The following GRXCR2 variants were observed in gnomAD, a reference collection of about 807,000 sequenced individuals.
The protein encoded by GRXCR2 is glutaredoxin and cysteine rich domain containing 2.
In GRXCR2, 23 loss-of-function variants were observed where a neutral mutation model predicts 24.8. That is an observed-to-expected ratio of 0.93 (90% CI 0.67 to 1.32). The LOEUF (loss-of-function observed/expected upper bound fraction) is 1.32. GRXCR2 is among the 40% of genes most tolerant of loss of function. The pLI is 0.00. For synonymous variants in GRXCR2, 130 were observed against 116.1 expected (o/e 1.12, Z -0.77); for missense variants, 315 against 303.4 (o/e 1.04, Z -0.28).
At chr5:145,922,560 C>T (rs776306862) in intron 2 of GRXCR2, among the ~76,000 whole-genome samples, 8 of 152,206 alleles carry the variant, frequency 5.3e-5, no homozygotes, top group Non-Finnish European at 1.0e-4. Context: ...GAACTCACAA[C>T]ATCGTTGTTG....
intron 2 of GRXCR2, among the ~76,000 whole-genome samples, chr5:145,905,889 T>C (rs2569011): frequency 0.25 from 37,692 of 152,080 alleles, 7,675 homozygotes; most frequent in African/African-American, 0.56. Flanking sequence ...GAATAGCACA[T>C]GGTCCAGCGT....
chr5:145,922,631 C>T (rs995777356), intron 2 of GRXCR2, among the ~76,000 whole-genome samples: 1 of 152,206 alleles, frequency 6.6e-6, no homozygotes, highest in African/African-American at 2.4e-5. Context: ...ATTTTCCCCA[C>T]AGGCTCCAGG....
intron 2 of GRXCR2, among the ~76,000 whole-genome samples, chr5:145,891,607 G>C (rs1304710595): frequency 6.6e-6 from 1 of 152,208 alleles, no homozygotes; most frequent in East Asian, 1.9e-4. Flanking sequence ...CCATTGCTGA[G>C]GTTTGAGTAG....
chr5:145,922,244 T>A (rs1456489294), intron 2 of GRXCR2, among the ~76,000 whole-genome samples: 1 of 152,190 alleles, frequency 6.6e-6, no homozygotes, highest in Non-Finnish European at 1.5e-5. Flanking sequence ...CCTCCCACCC[T>A]TTGTGTCTCT....
chr5:145,910,693 T>C (rs569348749), intron 2 of GRXCR2, among the ~76,000 whole-genome samples: 1 of 152,194 alleles, frequency 6.6e-6, no homozygotes, highest in Non-Finnish European at 1.5e-5. Flanking sequence ...ATAAAAGATA[T>C]ATAAATCAAT....
chr5:145,859,785 C>A lies in GRXCR2; in HGVS notation c.695G>T (p.Cys232Phe). 1 of 1,614,230 alleles carries A rather than the reference C, an allele frequency of 6.2e-7. No homozygotes were observed. Among genetic ancestry groups the A allele is most frequent in the African/African-American group, 1.3e-5 (1 of 75,070 alleles). The change falls in exon 3 of 3, where the codon TGC becomes TTC. Residue 232 changes from cysteine to phenylalanine, a missense_variant. Cys to Phe is a radical substitution (Grantham distance 205). Transcript: ENST00000377976. Reference sequence around the variant, plus strand: ...TAGGCCATTCTCATTGCAGGCAGGGCACCTCAGGGCCCGATAGGACTCCTT... The same window carrying A: ...TAGGCCATTCTCATTGCAGGCAGGGAACCTCAGGGCCCGATAGGACTCCTT... ...RFKESYRALRCPACNENGLQP... is the reference protein window; with the variant it reads ...RFKESYRALRFPACNENGLQP...
intron 2 of GRXCR2, among the ~76,000 whole-genome samples, chr5:145,919,457 G>A (rs1424084951): frequency 1.3e-5 from 2 of 152,150 alleles, no homozygotes; most frequent in East Asian, 3.9e-4. Flanking sequence ...GCTAACAAGT[G>A]AGGAGATGAC....
At chr5:145,876,866 T>C (rs1004481769), upstream of GRXCR2, among the ~76,000 whole-genome samples, 1 of 152,150 alleles carries the variant, frequency 6.6e-6, no homozygotes, top group Non-Finnish European at 1.5e-5. Flanking sequence ...GGCAGTATTA[T>C]CAAAAGCCTT....
chr5:145,871,020 A>G (rs1756522122), intron 1 of GRXCR2, among the ~76,000 whole-genome samples: 1 of 152,100 alleles, frequency 6.6e-6, no homozygotes, highest in Non-Finnish European at 1.5e-5. Flanking sequence ...GCTGTGAGTT[A>G]TGATCATACC....
upstream of GRXCR2, among the ~76,000 whole-genome samples, chr5:145,875,061 C>A (rs1756591413): frequency 6.6e-6 from 1 of 152,198 alleles, no homozygotes; most frequent in African/African-American, 2.4e-5. Context: ...TTCCCTTGCC[C>A]TTCCTATTTT....
intron 2 of GRXCR2, among the ~76,000 whole-genome samples, chr5:145,907,144 A>G (rs1169760646): frequency 6.6e-6 from 1 of 152,152 alleles, no homozygotes; most frequent in Non-Finnish European, 1.5e-5. Flanking sequence ...GGATCTTGGA[A>G]GCCTTTTTAA....
At chr5:145,879,812 C>G (rs1267447746) in intron 2 of GRXCR2, among the ~76,000 whole-genome samples, 1 of 152,178 alleles carries the variant, frequency 6.6e-6, no homozygotes, top group Non-Finnish European at 1.5e-5. Context: ...CACTCCTCAG[C>G]AAACATAAAA....
chr5:145,860,005 G>T (rs966023411), intron 2 of GRXCR2, 90 bp from the exon 3 acceptor site: 19 of 1,091,354 alleles, frequency 1.7e-5, no homozygotes, highest in East Asian at 1.6e-4. Context: ...TACAGCAAAG[G>T]CTGGGGCAGA....
At chr5:145,897,830 G>GTT (rs1482559775) in intron 2 of GRXCR2, among the ~76,000 whole-genome samples, 3 of 152,026 alleles carry the variant, frequency 2.0e-5, no homozygotes, top group African/African-American at 7.2e-5. Context: ...GTGTTAAGAA[G>GTT]AAAGTTTATA....
At chr5:145,884,736 T>G (rs1010399441) in intron 2 of GRXCR2, among the ~76,000 whole-genome samples, 1 of 152,170 alleles carries the variant, frequency 6.6e-6, no homozygotes, top group East Asian at 1.9e-4. Flanking sequence ...TATGCTCTTT[T>G]AAAAAATTTA....
At chr5:145,906,990 A>ACC (rs1468728512) in intron 2 of GRXCR2, among the ~76,000 whole-genome samples, 1 of 152,144 alleles carries the variant, frequency 6.6e-6, no homozygotes, top group Non-Finnish European at 1.5e-5. Flanking sequence ...TGGAGAGGAA[A>ACC]AGCTTTCCAG....
At chr5:145,887,805 A>T (rs1561682641) in intron 2 of GRXCR2, among the ~76,000 whole-genome samples, 1 of 152,172 alleles carries the variant, frequency 6.6e-6, no homozygotes, top group Non-Finnish European at 1.5e-5. Context: ...AAAGTATTTC[A>T]CTGGTTGAAA....
chr5:145,909,894 C>T (rs1253243925), intron 2 of GRXCR2, among the ~76,000 whole-genome samples: 1 of 152,184 alleles, frequency 6.6e-6, no homozygotes, highest in African/African-American at 2.4e-5. Flanking sequence ...GCCCTCACCC[C>T]TCGCTTCCCA....
At chr5:145,900,840 A>G (rs1757014458) in intron 2 of GRXCR2, among the ~76,000 whole-genome samples, 1 of 152,182 alleles carries the variant, frequency 6.6e-6, no homozygotes, top group African/African-American at 2.4e-5. Flanking sequence ...CATGCACTTC[A>G]TCACACTCAA....
Sources: gnomAD v4.1 joint callset for allele counts (sites outside exome capture counted in the v4.1 genomes callset) on GRCh38, gnomAD v4.1.1 for gene constraint, MANE v1.5 for transcripts, NCBI Gene and HGNC (gene_info 2026-07-23, HGNC 2026-07-21) for gene names.